XXYLT1: variants seen among roughly 807,000 people sequenced by gnomAD.
XXYLT1 encodes the protein xyloside xylosyltransferase 1, also known as UDP-xylose:alpha-xyloside alpha-1,3-xylosyltransferase.
In XXYLT1, 20 loss-of-function variants were observed where a neutral mutation model predicts 28.9. The observed-to-expected ratio is 0.69, with a 90% CI of 0.49 to 1.00. The LOEUF (loss-of-function observed/expected upper bound fraction) is 1.00. Among genes scored for constraint, XXYLT1 ranks in the 50% least tolerant of loss-of-function variants. XXYLT1 has a pLI of 0.00. For synonymous variants in XXYLT1, 257 were observed against 253.8 expected (o/e 1.01, Z -0.12); for missense variants, 542 against 560.1 (o/e 0.97, Z 0.33).
intron 3 of XXYLT1, among the ~76,000 whole-genome samples, chr3:195,081,926 G>T (rs1031412062): frequency 3.3e-5 from 5 of 152,170 alleles, no homozygotes; most frequent in African/African-American, 4.8e-5. Context: ...TTAAATGGAC[G>T]AATCGGCCAG....
intron 3 of XXYLT1, among the ~76,000 whole-genome samples, chr3:195,071,885 A>G (rs1471667688): frequency 6.6e-6 from 1 of 152,164 alleles, no homozygotes; most frequent in East Asian, 1.9e-4. Context: ...GGTGGGAACG[A>G]AGCGTTTACC....
In XXYLT1 at chr3:195,164,245, G is replaced by A. The variant is rs145039403; in HGVS notation, c.653-7664C>T. On this transcript the variant is annotated intron_variant, in intron 2 of 3. Coordinates refer to ENST00000310380, the MANE Select transcript of XXYLT1 (RefSeq NM_152531.5). ...TCACATGGTCACTAGTGGCAAGATG[G>A]GAACTAAGTCCATGTCACTGGCCCC... Among the ~76,000 whole-genome samples, 1,164 of 152,322 alleles carry A rather than the reference G, an allele frequency of 7.6e-3. 10 individuals are homozygous for A. The highest frequency in any genetic ancestry group is 0.024 in the Middle Eastern group (7 of 294).
rs1721510807 is a variant in XXYLT1, at chr3:195,173,456, T to TG, written c.653-16876dup. The stretch of plus-strand genomic sequence containing the variant: ...AGTAACATTCTGGTTCATATAAGAC[T>TG]GGGCGGAAGAACAGCTCCCAGCACA... On this transcript the variant is annotated intron_variant, in intron 2 of 3. Transcript: ENST00000310380. The surrounding 1 kb of genome is among the most constrained non-coding windows in gnomAD (Gnocchi z 4.3). Among the ~76,000 whole-genome samples the TG allele has an allele frequency of 6.6e-6, 1 of 152,186 alleles. No homozygotes were observed. Among genetic ancestry groups the TG allele is most frequent in the African/African-American group, 2.4e-5 (1 of 41,434 alleles).
At chr3:195,165,726 G>A (rs1011112720) in intron 2 of XXYLT1, among the ~76,000 whole-genome samples, 8 of 151,966 alleles carry the variant, frequency 5.3e-5, no homozygotes, top group Admixed American at 5.2e-4. Flanking sequence ...ACGTTATATT[G>A]GTGCTGTTGA....
chr3:195,228,213 G>A lies in XXYLT1; in HGVS notation c.505-1357C>T, dbSNP rs1046053221. Among the ~76,000 whole-genome samples the A allele has an allele frequency of 4.6e-5, 7 of 152,162 alleles. No individual in the cohort carries two copies. The East Asian group carries it at 9.6e-4, about 21-fold the overall frequency. ...AACTCCGAAGAGCCCACCTGAACAG[G>A]TGCCAGCAGCAAAAGGCAAAGCCAC... is the stretch of plus-strand genomic sequence containing the variant. On this transcript the variant is annotated intron_variant, in intron 1 of 3. Transcript: ENST00000310380.
At chr3:195,080,543 G>A (rs1199594025) in intron 3 of XXYLT1, among the ~76,000 whole-genome samples, 3 of 151,760 alleles carry the variant, frequency 2.0e-5, no homozygotes, top group South Asian at 4.2e-4. Context: ...TTAAGGGAGC[G>A]GGGGTGGGGG....
At chr3:195,221,634 C>A (rs1723827858) in intron 2 of XXYLT1, among the ~76,000 whole-genome samples, 1 of 152,248 alleles carries the variant, frequency 6.6e-6, no homozygotes, top group Non-Finnish European at 1.5e-5. Flanking sequence ...ACAGCCCATA[C>A]TGCTGAGCTG....
At position 195,199,274 on chromosome 3, in the gene XXYLT1, C is replaced by G. The variant is rs369156438; in HGVS notation, c.652+27435G>C. ...CCTGGGAAAGAGGAACTATCCAAAG[C>G]TCCTCCAAATCTCCTTTGCGGTTGC... is the stretch of plus-strand genomic sequence containing the variant. On this transcript the variant is annotated intron_variant, in intron 2 of 3. Coordinates refer to ENST00000310380, the MANE Select transcript of XXYLT1 (RefSeq NM_152531.5). Among the ~76,000 whole-genome samples, 58 of 152,274 alleles carry G rather than the reference C, an allele frequency of 3.8e-4. 4 individuals carry two copies. The highest frequency in any genetic ancestry group is 2.3e-3 in the East Asian group (12 of 5,174).
chr3:195,219,447 CCA>C (rs1234713100), intron 2 of XXYLT1, among the ~76,000 whole-genome samples: 2 of 152,066 alleles, frequency 1.3e-5, no homozygotes, highest in African/African-American at 4.8e-5. Context: ...CTGCAAAAGG[CCA>C]CACACACACT....
intron 1 of XXYLT1, among the ~76,000 whole-genome samples, chr3:195,269,220 C>T (rs1725939588): frequency 6.6e-6 from 1 of 152,206 alleles, no homozygotes; most frequent in Non-Finnish European, 1.5e-5. Context: ...TGGTCAAATC[C>T]CAAGATCTGC....
chr3:195,134,874 T>C (rs62290349), intron 3 of XXYLT1, among the ~76,000 whole-genome samples: 37,555 of 128,728 alleles, frequency 0.29, 5,266 homozygotes, highest in East Asian at 0.64. Context: ...TGTGTGCGTG[T>C]GCGCGCGTGC....
At chr3:195,264,251 A>C (rs1421875279) in intron 1 of XXYLT1, among the ~76,000 whole-genome samples, 1 of 152,238 alleles carries the variant, frequency 6.6e-6, no homozygotes, top group African/African-American at 2.4e-5. Context: ...CAATAGATGA[A>C]GGTAGGTAAG....
intron 3 of XXYLT1, among the ~76,000 whole-genome samples, chr3:195,109,938 A>T (rs1304862264): frequency 4.9e-5 from 1 of 20,354 alleles, no homozygotes; most frequent in African/African-American, 1.4e-4. Context: ...TGTGTGTGGT[A>T]TATGAGTGTG....
intron 3 of XXYLT1, among the ~76,000 whole-genome samples, chr3:195,101,997 A>C (rs1716812711): frequency 9.2e-6 from 1 of 109,152 alleles, no homozygotes. Flanking sequence ...GGGAGGGAGG[A>C]CAGAAAGAAA....
intron 2 of XXYLT1, among the ~76,000 whole-genome samples, chr3:195,206,129 A>G (rs984105404): frequency 6.9e-6 from 1 of 145,804 alleles, no homozygotes; most frequent in African/African-American, 2.6e-5. Flanking sequence ...GGTTCACACC[A>G]TTCTCCGAGT....
chr3:195,270,146 G>A (rs1052969234), intron 1 of XXYLT1: 17 of 426,568 alleles, frequency 4.0e-5, no homozygotes, highest in African/African-American at 3.3e-4. Context: ...CCTCACCAAG[G>A]CCCTCTCCAG....
At chr3:195,233,410 T>C (rs1007338951) in intron 1 of XXYLT1, among the ~76,000 whole-genome samples, 1 of 152,226 alleles carries the variant, frequency 6.6e-6, no homozygotes, top group Non-Finnish European at 1.5e-5. Context: ...TGCCATTTTG[T>C]TATTTGTTTT....
intron 2 of XXYLT1, among the ~76,000 whole-genome samples, chr3:195,204,476 A>ACTCTCTCTCTCTCTCTCTCT (rs61196221): frequency 5.6e-4 from 70 of 125,954 alleles, no homozygotes; most frequent in African/African-American, 1.9e-3. Flanking sequence ...TCACTCTCTC[A>ACTCTCTCTCTCTCTCTCTCT]CTCTCTCTCT....
chr3:195,195,585 G>A lies in XXYLT1; in HGVS notation c.652+31124C>T, dbSNP rs73890732. ...CTAGATCCCTGGGGAGAGGCTACCC[G>A]TGGTTTGTTGTAAATGAAAGAGATT... On this transcript the variant is annotated intron_variant, in intron 2 of 3. Coordinates refer to ENST00000310380, the MANE Select transcript of XXYLT1 (RefSeq NM_152531.5). The surrounding 1 kb of genome is among the most constrained non-coding windows in gnomAD (Gnocchi z 4.4). Among the ~76,000 whole-genome samples, 7,821 of 152,244 alleles carry A rather than the reference G, an allele frequency of 0.051. 619 individuals carry two copies. The highest frequency in any genetic ancestry group is 0.18 in the African/African-American group (7,375 of 41,498).
Sources: allele counts gnomAD v4.1 joint callset (sites outside exome capture counted in the v4.1 genomes callset), GRCh38; gene constraint gnomAD v4.1.1; non-coding constraint Gnocchi (gnomAD v3.1); transcripts MANE v1.5; gene names NCBI Gene and HGNC (gene_info 2026-07-23, HGNC 2026-07-21).